AK8: variants seen among roughly 807,000 people sequenced by gnomAD.
AK8 encodes the protein adenylate kinase 8.
Under a neutral mutation model 54.6 loss-of-function variants are expected in AK8, and 44 were observed. The ratio of observed to expected loss-of-function variants is 0.81; its 90% CI spans 0.63 to 1.04. The LOEUF (loss-of-function observed/expected upper bound fraction) is 1.04. Among genes scored for constraint, AK8 ranks in the 50% least tolerant of loss-of-function variants. The pLI is 0.00. For missense variants in AK8, 555 were observed against 613.6 expected (o/e 0.90, Z 1.01); for synonymous variants, 239 against 245.6 (o/e 0.97, Z 0.25).
At chr9:132,741,063 C>CCCCCATTT (rs1837366519) in intron 11 of AK8, among the ~76,000 whole-genome samples, 1 of 152,140 alleles carries the variant, frequency 6.6e-6, no homozygotes, top group Non-Finnish European at 1.5e-5. Context: ...GTGCCTTTTC[C>CCCCCATTT]CCCCATTTCC....
chr9:132,867,347 G>A (rs7025795), intron 2 of AK8, among the ~76,000 whole-genome samples: 17,753 of 152,202 alleles, frequency 0.12, 2,215 homozygotes, highest in African/African-American at 0.31. Context: ...TGTTTATGCC[G>A]TTTTATTTAG....
intron 10 of AK8, among the ~76,000 whole-genome samples, chr9:132,808,738 G>A (rs1477972023): frequency 6.6e-6 from 1 of 152,306 alleles, no homozygotes; most frequent in Non-Finnish European, 1.5e-5. Flanking sequence ...TAACAAAAGC[G>A]CACATCTCTG....
At position 132,836,708 on chromosome 9, in the gene AK8, G is replaced by A. The variant is rs116240381; in HGVS notation, c.403-7982C>T. On this transcript the variant is annotated intron_variant, in intron 5 of 12. Coordinates refer to ENST00000298545, the MANE Select transcript of AK8 (RefSeq NM_152572.3). ...GACAGACACATTTCAATTAGAATGCGGGGGTCTAGTGAGTTAACAGCTACT... is the reference window on the plus strand; with the variant it reads ...GACAGACACATTTCAATTAGAATGCAGGGGTCTAGTGAGTTAACAGCTACT... Among the ~76,000 whole-genome samples the A allele has an allele frequency of 5.0e-3, 754 of 152,298 alleles. 7 individuals are homozygous for A. Among genetic ancestry groups the A allele is most frequent in the African/African-American group, 0.017 (695 of 41,556 alleles).
intron 11 of AK8, among the ~76,000 whole-genome samples, chr9:132,778,489 G>C (rs1431709032): frequency 6.6e-6 from 1 of 152,188 alleles, no homozygotes; most frequent in Non-Finnish European, 1.5e-5. Flanking sequence ...ATGAAAGAGA[G>C]AGAGAGTGGG....
At chr9:132,839,829 G>GT (rs1554801289) in intron 5 of AK8, among the ~76,000 whole-genome samples, 2 of 147,274 alleles carry the variant, frequency 1.4e-5, no homozygotes, top group African/African-American at 5.1e-5. Flanking sequence ...CCGGGGGGGG[G>GT]GGCGCAGGGA....
chr9:132,785,433 C>T (rs557722359), intron 11 of AK8, among the ~76,000 whole-genome samples: 1 of 152,282 alleles, frequency 6.6e-6, no homozygotes, highest in African/African-American at 2.4e-5. Flanking sequence ...TCAAGATATT[C>T]TGCTGCATTT....
chr9:132,859,575 G>A (rs1220976295), intron 4 of AK8, among the ~76,000 whole-genome samples: 1 of 151,758 alleles, frequency 6.6e-6, no homozygotes, highest in African/African-American at 2.4e-5. Flanking sequence ...ACCTGAGAGT[G>A]GCTCCTCAGT....
intron 11 of AK8, among the ~76,000 whole-genome samples, chr9:132,750,450 C>T (rs187043422): frequency 3.9e-5 from 6 of 151,948 alleles, no homozygotes; most frequent in Admixed American, 1.3e-4. Context: ...TCTTTCTGTC[C>T]GGCATCGGGG....
intron 11 of AK8, among the ~76,000 whole-genome samples, chr9:132,736,495 C>T (rs1837121391): frequency 6.7e-6 from 1 of 148,680 alleles, no homozygotes; most frequent in African/African-American, 2.5e-5. Flanking sequence ...GCCAATCAGT[C>T]TTAAAAAGGA....
In AK8 at chr9:132,782,578, A is replaced by G. The variant is rs112991955; in HGVS notation, c.1121+10056T>C. On this transcript the variant is annotated intron_variant, in intron 11 of 12. Transcript: ENST00000298545. Reference sequence around the variant, plus strand: ...GTGGCACGCGCCTGTAATCCTAGCTACTTGGGAGGCTGAGGCAGGAGAATC... The same window carrying G: ...GTGGCACGCGCCTGTAATCCTAGCTGCTTGGGAGGCTGAGGCAGGAGAATC... Among the ~76,000 whole-genome samples, 336 of 152,290 alleles carry G rather than the reference A, an allele frequency of 2.2e-3. 1 individual carries two copies. The highest frequency in any genetic ancestry group is 7.0e-3 in the African/African-American group (291 of 41,562).
At chr9:132,758,056 A>C (rs771812431) in intron 11 of AK8, among the ~76,000 whole-genome samples, 1 of 152,238 alleles carries the variant, frequency 6.6e-6, no homozygotes, top group East Asian at 1.9e-4. Context: ...GCTTAGATGA[A>C]GCCTTTGTTT....
chr9:132,757,741 A>G (rs758563853), intron 11 of AK8, among the ~76,000 whole-genome samples: 1 of 152,186 alleles, frequency 6.6e-6, no homozygotes, highest in Non-Finnish European at 1.5e-5. Flanking sequence ...AAATGGAAAT[A>G]ACTGTCATTA....
chr9:132,872,898 G>A (rs910315973), intron 2 of AK8, among the ~76,000 whole-genome samples: 2 of 152,080 alleles, frequency 1.3e-5, no homozygotes, highest in Non-Finnish European at 2.9e-5. Flanking sequence ...TGCAAGCTCC[G>A]CCTCCTGGGT....
chr9:132,840,787 G>A (rs1842512223), intron 5 of AK8, among the ~76,000 whole-genome samples: 2 of 152,126 alleles, frequency 1.3e-5, no homozygotes, highest in Admixed American at 1.3e-4. Flanking sequence ...CAGCTACTTG[G>A]GAGGCTGAGG....
At chr9:132,841,949 G>C (rs941029003) in intron 5 of AK8, among the ~76,000 whole-genome samples, 1 of 152,128 alleles carries the variant, frequency 6.6e-6, no homozygotes, top group African/African-American at 2.4e-5. Flanking sequence ...GTCCCAAGGG[G>C]GGACCTCCAC....
intron 11 of AK8, among the ~76,000 whole-genome samples, chr9:132,729,812 T>G (rs1836750628): frequency 6.6e-6 from 1 of 152,214 alleles, no homozygotes; most frequent in African/African-American, 2.4e-5. Flanking sequence ...AAACACTCCC[T>G]GTGCACCCAA....
rs775652541 is a variant in AK8 at position 132,826,896 on chromosome 9, CTT to C, written c.713_714del (p.Lys238SerfsTer5). 1 of 1,614,222 alleles carries C rather than the reference CTT, an allele frequency of 6.2e-7. No individual in the cohort carries two copies. Among genetic ancestry groups the C allele is most frequent in the Admixed American group, 1.7e-5 (1 of 60,030 alleles). On this transcript the variant is annotated frameshift_variant, in exon 8 of 13. Transcript: ENST00000298545. LOFTEE classifies it high-confidence loss of function. This position sits in a 1 kb window ranked among gnomAD's most constrained non-coding sequence, Gnocchi z 4.5. ...RVIPSYPKILKVISADQPCVD... is the reference protein window; with the variant it reads ...RVIPSYPKILXVISADQPCVD... The stretch of plus-strand genomic sequence containing the variant: ...ACACATGGCTGGTCAGCACTGATGA[CTT>C]TGAGGATTTTGGGGTAGGAGGGAAT...
At position 132,803,059 on chromosome 9, in the gene AK8, A is replaced by C. The variant is rs1406452799; in HGVS notation, c.980-10284T>G. Among the ~76,000 whole-genome samples the C allele has an allele frequency of 6.6e-6, 1 of 152,212 alleles. No homozygotes were observed. Among genetic ancestry groups the C allele is most frequent in the Non-Finnish European group, 1.5e-5 (1 of 68,048 alleles). ...GGGAAGCAAACACGTCCTTCTTCAC[A>C]TAGCGGCAGCCAGGAGAGGTGCAGA... On this transcript the variant is annotated intron_variant, in intron 10 of 12. Transcript: ENST00000298545. This position sits in a 1 kb window ranked among gnomAD's most constrained non-coding sequence, Gnocchi z 4.4.
chr9:132,817,154 C>G (rs919621606), intron 9 of AK8, among the ~76,000 whole-genome samples: 2 of 152,154 alleles, frequency 1.3e-5, no homozygotes, highest in African/African-American at 4.8e-5. Flanking sequence ...AAGGGCAGAC[C>G]TTAGCTGCAG....
Sources: allele counts gnomAD v4.1 joint callset (sites outside exome capture counted in the v4.1 genomes callset), GRCh38; gene constraint gnomAD v4.1.1; non-coding constraint Gnocchi (gnomAD v3.1); transcripts MANE v1.5; gene names NCBI Gene and HGNC (gene_info 2026-07-23, HGNC 2026-07-21).